The following SGCZ variants were observed in gnomAD, a reference collection of about 807,000 sequenced individuals.
SGCZ encodes sarcoglycan zeta.
A neutral mutation model predicts 41.3 loss-of-function variants in SGCZ; 40 were observed. That is an observed-to-expected ratio of 0.97 (90% confidence interval 0.75 to 1.26). SGCZ has a LOEUF of 1.26. SGCZ is among the 50% of genes most tolerant of loss of function. The probability of loss-of-function intolerance (pLI) is 0.00; values close to 1 mark genes in which losing one functional copy is unlikely to be tolerated. For synonymous variants in SGCZ, 206 were observed against 137.5 expected, an observed-to-expected ratio of 1.50 and a Z score of -3.49; for missense variants, 552 against 369.8, an observed-to-expected ratio of 1.49 and a Z score of -4.04.
intron 1 of SGCZ, among the ~76,000 whole-genome samples, chr8:15,151,695 A>T (rs1799184264): frequency 6.6e-6 from 1 of 152,244 alleles, no homozygotes; most frequent in Non-Finnish European, 1.5e-5. Flanking sequence ...ATAATGACAC[A>T]GTTAATAATA....
At chr8:14,946,937 G>A (rs992345094) in intron 1 of SGCZ, among the ~76,000 whole-genome samples, 3 of 151,976 alleles carry the variant, frequency 2.0e-5, no homozygotes, top group African/African-American at 4.8e-5. Flanking sequence ...GCCTCCCAAC[G>A]TGCTGGGATT....
At chr8:14,309,452 T>G (rs2116993466) in intron 3 of SGCZ, 3 of 1,606,158 alleles carry the variant, frequency 1.9e-6, no homozygotes, top group East Asian at 2.2e-5. Flanking sequence ...TTCTGATGAC[T>G]GCAGTGATGA....
chr8:14,407,174 T>C (rs1025549529), intron 2 of SGCZ, among the ~76,000 whole-genome samples: 2 of 151,132 alleles, frequency 1.3e-5, no homozygotes, highest in Non-Finnish European at 2.9e-5. Context: ...GTTCAAGCTA[T>C]TCTCCTGCCT....
At chr8:14,536,177 G>A (rs1803290661) in intron 2 of SGCZ, among the ~76,000 whole-genome samples, 1 of 151,740 alleles carries the variant, frequency 6.6e-6, no homozygotes, top group African/African-American at 2.4e-5. Flanking sequence ...TTTTGTCTTT[G>A]CAATTATACT....
intron 1 of SGCZ, among the ~76,000 whole-genome samples, chr8:15,098,745 A>C (rs1806483720): frequency 6.6e-6 from 1 of 152,200 alleles, no homozygotes; most frequent in South Asian, 2.1e-4. Flanking sequence ...TACTTGATCA[A>C]ATACATGAAT....
At chr8:14,125,521 G>C (rs1318246095) in intron 5 of SGCZ, among the ~76,000 whole-genome samples, 1 of 148,098 alleles carries the variant, frequency 6.8e-6, no homozygotes, top group Non-Finnish European at 1.5e-5. Flanking sequence ...AAAAAAAGAA[G>C]AAGAATCACT....
At chr8:14,248,392 A>T (rs941193148) in intron 3 of SGCZ, among the ~76,000 whole-genome samples, 1 of 152,140 alleles carries the variant, frequency 6.6e-6, no homozygotes, top group Admixed American at 6.5e-5. Context: ...GTGTGTAGAG[A>T]GTATCCCAGA....
chr8:15,145,255 A>G (rs560332), intron 1 of SGCZ, among the ~76,000 whole-genome samples: 144,279 of 152,270 alleles, frequency 0.95, 68,799 homozygotes, highest in East Asian at 1. Context: ...AAATTAGGTG[A>G]ACCAGTAATG....
chr8:14,596,755 T>C (rs992453982), intron 1 of SGCZ, among the ~76,000 whole-genome samples: 4 of 152,048 alleles, frequency 2.6e-5, no homozygotes, highest in Non-Finnish European at 4.4e-5. Context: ...CGTTGACAGG[T>C]GCAGCAAACC....
chr8:14,960,547 C>T (rs986163324), intron 1 of SGCZ, among the ~76,000 whole-genome samples: 1 of 152,090 alleles, frequency 6.6e-6, no homozygotes, highest in African/African-American at 2.4e-5. Context: ...TTTTCTTAAT[C>T]TTGATCAGCT....
At chr8:14,755,163 G>A (rs1378699775) in intron 1 of SGCZ, among the ~76,000 whole-genome samples, 1 of 151,406 alleles carries the variant, frequency 6.6e-6, no homozygotes, top group African/African-American at 2.4e-5. Flanking sequence ...TTTAAGTCTT[G>A]ACCACTTTAA....
chr8:15,081,955 A>G (rs571453397), intron 1 of SGCZ, among the ~76,000 whole-genome samples: 1 of 152,240 alleles, frequency 6.6e-6, no homozygotes, highest in Non-Finnish European at 1.5e-5. Context: ...TGTCCTGTAC[A>G]GTTCTTTAGA....
At chr8:14,168,344 C>T (rs1219932467) in intron 4 of SGCZ, among the ~76,000 whole-genome samples, 1 of 151,986 alleles carries the variant, frequency 6.6e-6, no homozygotes, top group Non-Finnish European at 1.5e-5. Flanking sequence ...TAAATATACA[C>T]TGTAATATGG....
intron 3 of SGCZ, among the ~76,000 whole-genome samples, chr8:14,240,281 T>A (rs1245438020): frequency 7.0e-6 from 1 of 142,840 alleles, no homozygotes; most frequent in South Asian, 2.2e-4. Context: ...TGAGCCCAGA[T>A]TGCACCACTG....
chr8:14,365,934 G>A (rs986243463), intron 2 of SGCZ, among the ~76,000 whole-genome samples: 5 of 151,996 alleles, frequency 3.3e-5, no homozygotes, highest in Admixed American at 6.6e-5. Context: ...CTGAAAATAT[G>A]TTATCAAATG....
chr8:15,100,424 C>A (rs555696410), intron 1 of SGCZ, among the ~76,000 whole-genome samples: 1 of 147,834 alleles, frequency 6.8e-6, no homozygotes, highest in South Asian at 2.4e-4. Flanking sequence ...ATGAGGAAAA[C>A]CGCAAAATAC....
intron 6 of SGCZ, among the ~76,000 whole-genome samples, chr8:14,104,507 T>A (rs1563128924): frequency 1.3e-5 from 2 of 152,084 alleles, no homozygotes; most frequent in African/African-American, 4.8e-5. Flanking sequence ...TAAAACAACC[T>A]AAGTTGCAAG....
intron 1 of SGCZ, among the ~76,000 whole-genome samples, chr8:14,576,800 A>G (rs1804724734): frequency 6.6e-6 from 1 of 152,188 alleles, no homozygotes; most frequent in Non-Finnish European, 1.5e-5. Flanking sequence ...CAAGGGTATA[A>G]TAGCTGCTCA....
chr8:15,136,780 TC>T (rs775826175), intron 1 of SGCZ, among the ~76,000 whole-genome samples: 16 of 152,298 alleles, frequency 1.1e-4, no homozygotes, highest in Non-Finnish European at 1.8e-4. Flanking sequence ...ACACCTCTTT[TC>T]TTTATAAATT....
Sources: allele counts gnomAD v4.1 joint callset (sites outside exome capture counted in the v4.1 genomes callset), GRCh38; gene constraint gnomAD v4.1.1; transcripts MANE v1.5; gene names NCBI Gene and HGNC (gene_info 2026-07-23, HGNC 2026-07-21).